The following DCDC1 variants were observed in gnomAD, a reference collection of about 807,000 sequenced individuals.
The protein encoded by DCDC1 is doublecortin domain containing 1.
DCDC1 carries 200 observed loss-of-function variants against 178.3 expected under a neutral mutation model. That is an observed-to-expected ratio of 1.12 (90% CI 1.00 to 1.26). The LOEUF is 1.26. Ranked by LOEUF, DCDC1 falls within the 50% of genes most tolerant of loss-of-function variation. The pLI is 0.00. For missense variants in DCDC1, 1,983 were observed against 1,749.2 expected, an observed-to-expected ratio of 1.13 and a Z score of -2.38; for synonymous variants, 690 against 604.8, an observed-to-expected ratio of 1.14 and a Z score of -2.07.
chr11:30,939,810 G>T (rs2134378585), intron 21 of DCDC1, among the ~76,000 whole-genome samples: 1 of 152,192 alleles, frequency 6.6e-6, no homozygotes, highest in Middle Eastern at 3.4e-3. Context: ...CATTTAAAAG[G>T]TTTTTTCACA....
chr11:31,316,116 C>G (rs1288246516), intron 3 of DCDC1, among the ~76,000 whole-genome samples: 1 of 91,796 alleles, frequency 1.1e-5, no homozygotes, highest in East Asian at 2.4e-4. Flanking sequence ...AATAAACATA[C>G]GTGTGCATGT....
At chr11:31,258,956 T>C (rs1038961892) in intron 8 of DCDC1, among the ~76,000 whole-genome samples, 2 of 152,106 alleles carry the variant, frequency 1.3e-5, no homozygotes, top group South Asian at 2.1e-4. Flanking sequence ...TTAAGATGTT[T>C]GGAATTCTTT....
chr11:30,919,979 C>T (rs1158604106), intron 25 of DCDC1, among the ~76,000 whole-genome samples: 2 of 152,148 alleles, frequency 1.3e-5, no homozygotes, highest in African/African-American at 2.4e-5. Context: ...TTGCCACGTA[C>T]AGTCATTGCT....
chr11:31,285,311 G>T (rs556067335), intron 7 of DCDC1, among the ~76,000 whole-genome samples: 3 of 152,132 alleles, frequency 2.0e-5, no homozygotes, highest in Admixed American at 2.0e-4. Context: ...TAAATAACAA[G>T]TAATATCAAT....
chr11:31,154,090 G>GT (rs1353662162), intron 9 of DCDC1, among the ~76,000 whole-genome samples: 1 of 152,146 alleles, frequency 6.6e-6, no homozygotes, highest in African/African-American at 2.4e-5. Context: ...TTGTTAAACA[G>GT]TGTGTGGCAC....
intron 8 of DCDC1, among the ~76,000 whole-genome samples, chr11:31,246,140 T>G (rs1052566473): frequency 3.4e-4 from 51 of 152,068 alleles, no homozygotes; most frequent in African/African-American, 1.2e-3. Flanking sequence ...ATCAGGATTT[T>G]TTGTTAATAG....
intron 3 of DCDC1, among the ~76,000 whole-genome samples, chr11:31,313,222 A>T (rs1429873575): frequency 3.3e-5 from 5 of 152,150 alleles, no homozygotes; most frequent in Non-Finnish European, 5.9e-5. Flanking sequence ...CTATTAGGTT[A>T]TAAGTTACAC....
intron 38 of DCDC1, among the ~76,000 whole-genome samples, chr11:30,871,519 C>A (rs1941553194): frequency 1.3e-5 from 2 of 152,158 alleles, no homozygotes; most frequent in Non-Finnish European, 2.9e-5. Flanking sequence ...GTCCAACATT[C>A]ACATTTGTTC....
At chr11:31,171,658 T>C (rs918838836) in intron 9 of DCDC1, among the ~76,000 whole-genome samples, 6 of 152,202 alleles carry the variant, frequency 3.9e-5, no homozygotes, top group African/African-American at 1.4e-4. Flanking sequence ...TAATGATTAA[T>C]TATTTACAAC....
chr11:31,080,176 A>C (rs935611147), intron 17 of DCDC1, among the ~76,000 whole-genome samples: 1 of 152,042 alleles, frequency 6.6e-6, no homozygotes, highest in African/African-American at 2.4e-5. Flanking sequence ...CCAGAACTAA[A>C]ATGATGGTTA....
intron 21 of DCDC1, among the ~76,000 whole-genome samples, chr11:30,932,512 T>A (rs1946996735): frequency 6.6e-6 from 1 of 152,218 alleles, no homozygotes; most frequent in South Asian, 2.1e-4. Context: ...CTTCAAATAT[T>A]TTTGAATGTT....
intron 3 of DCDC1, among the ~76,000 whole-genome samples, chr11:31,322,377 C>G (rs1474584627): frequency 6.6e-6 from 1 of 152,120 alleles, no homozygotes; most frequent in Non-Finnish European, 1.5e-5. Context: ...TAGATAAAGT[C>G]TCGGTTATTT....
intron 1 of DCDC1, among the ~76,000 whole-genome samples, chr11:31,360,698 T>C (rs1564931389): frequency 6.6e-6 from 1 of 152,150 alleles, no homozygotes; most frequent in Non-Finnish European, 1.5e-5. Context: ...TGTAACTGTG[T>C]TGATTAGTGG....
intron 9 of DCDC1, among the ~76,000 whole-genome samples, chr11:31,162,586 T>C (rs1591273213): frequency 6.6e-6 from 1 of 152,186 alleles, no homozygotes; most frequent in African/African-American, 2.4e-5. Flanking sequence ...TTATTTAAAA[T>C]ATCTTCCTGG....
chr11:31,139,496 G>T (rs546856367), intron 9 of DCDC1, among the ~76,000 whole-genome samples: 3 of 152,122 alleles, frequency 2.0e-5, no homozygotes, highest in Admixed American at 6.5e-5. Context: ...GAGAGGAAAC[G>T]GGTGTAGAAG....
chr11:31,328,383 G>T, intron 2 of DCDC1, 97 bp from the exon 3 acceptor site: 1 of 1,229,996 alleles, frequency 8.1e-7, no homozygotes, highest in Non-Finnish European at 1.1e-6. Context: ...TTGTCATCAT[G>T]TGATTCTAGA....
chr11:31,142,733 T>C (rs558543517), intron 9 of DCDC1, among the ~76,000 whole-genome samples: 2 of 152,266 alleles, frequency 1.3e-5, no homozygotes, highest in South Asian at 2.1e-4. Context: ...ATCTTAATAA[T>C]TGTTAAATAC....
intron 9 of DCDC1, among the ~76,000 whole-genome samples, chr11:31,207,452 G>C (rs1054624698): frequency 2.6e-5 from 4 of 152,064 alleles, no homozygotes; most frequent in Non-Finnish European, 5.9e-5. Flanking sequence ...GAGTTATTCT[G>C]TTCCTAGCTA....
chr11:31,038,815 T>C (rs915831333), intron 20 of DCDC1, among the ~76,000 whole-genome samples: 1 of 151,952 alleles, frequency 6.6e-6, no homozygotes, highest in Admixed American at 6.6e-5. Context: ...AATTCTATTG[T>C]TGGAAGTGCT....
Sources: gnomAD v4.1 joint callset for allele counts (sites outside exome capture counted in the v4.1 genomes callset) on GRCh38, gnomAD v4.1.1 for gene constraint, MANE v1.5 for transcripts, NCBI Gene and HGNC (gene_info 2026-07-23, HGNC 2026-07-21) for gene names.